CTNNA3: variants seen among roughly 807,000 people sequenced by gnomAD.
The protein encoded by CTNNA3 is catenin alpha-3.
In CTNNA3, 76 loss-of-function variants were observed where a neutral mutation model predicts 95.7. That is an observed-to-expected ratio of 0.79 (90% CI 0.66 to 0.96). The LOEUF (loss-of-function observed/expected upper bound fraction) is 0.96. CTNNA3 is among the 40% of genes least tolerant of loss of function. CTNNA3 has a pLI of 0.00. For missense variants in CTNNA3, 1,191 were observed against 1,089.8 expected (o/e 1.09, Z -1.31); for synonymous variants, 431 against 374.4 (o/e 1.15, Z -1.74).
At chr10:66,761,833 A>G (rs1466711288) in intron 9 of CTNNA3, among the ~76,000 whole-genome samples, 1 of 152,138 alleles carries the variant, frequency 6.6e-6, no homozygotes, top group African/African-American at 2.4e-5. Flanking sequence ...GCTTTTGATA[A>G]TTAATGGTAA....
intron 5 of CTNNA3, among the ~76,000 whole-genome samples, chr10:67,371,090 T>C (rs1843427135): frequency 6.6e-6 from 1 of 151,534 alleles, no homozygotes; most frequent in Admixed American, 6.6e-5. Flanking sequence ...ATGGTCTCGA[T>C]CTCCTGACCT....
chr10:67,153,940 T>C (rs1469067481), intron 7 of CTNNA3, among the ~76,000 whole-genome samples: 3 of 152,156 alleles, frequency 2.0e-5, no homozygotes, highest in African/African-American at 4.8e-5. Context: ...AAGTAGATTA[T>C]ATTTGCCAAC....
intron 11 of CTNNA3, among the ~76,000 whole-genome samples, chr10:66,400,515 T>TA (rs2093012163): frequency 6.6e-6 from 1 of 152,074 alleles, no homozygotes; most frequent in African/African-American, 2.4e-5. Flanking sequence ...GAAAGAGTGA[T>TA]ATATATAGAT....
chr10:66,980,994 C>T (rs1419037671), intron 7 of CTNNA3, among the ~76,000 whole-genome samples: 3 of 152,166 alleles, frequency 2.0e-5, no homozygotes. Flanking sequence ...CCAACCTCCA[C>T]CTCCCGGGTT....
intron 16 of CTNNA3, among the ~76,000 whole-genome samples, chr10:65,968,407 A>G (rs924920281): frequency 7.9e-5 from 12 of 152,070 alleles, no homozygotes; most frequent in African/African-American, 2.7e-4. Flanking sequence ...AAAAAATAAA[A>G]TAATAAAACC....
intron 10 of CTNNA3, among the ~76,000 whole-genome samples, chr10:66,587,100 C>A (rs955227891): frequency 6.6e-6 from 1 of 152,112 alleles, no homozygotes; most frequent in African/African-American, 2.4e-5. Context: ...GTGACACAGA[C>A]TCTGAGATTT....
chr10:65,920,313 T>C lies in CTNNA3; in HGVS notation c.*17A>G. 1.2e-6 allele frequency: 2 copies of C among 1,604,606 alleles called. No individual in the cohort carries two copies. The highest frequency in any genetic ancestry group is 1.7e-6 in the Non-Finnish European group (2 of 1,173,908). ...GCAGGATTTTGTCATATAGGCACTATATGTAGAATAGTGGTTTCAGTAGAT... is the reference window on the plus strand; with the variant it reads ...GCAGGATTTTGTCATATAGGCACTACATGTAGAATAGTGGTTTCAGTAGAT... On this transcript the variant is annotated 3_prime_UTR_variant, in exon 18 of 18. Coordinates refer to ENST00000433211, the MANE Select transcript of CTNNA3 (RefSeq NM_013266.4).
chr10:66,975,975 C>T (rs1186532552), intron 7 of CTNNA3, among the ~76,000 whole-genome samples: 1 of 152,120 alleles, frequency 6.6e-6, no homozygotes, highest in Non-Finnish European at 1.5e-5. Flanking sequence ...CATGCTACTG[C>T]AGTTAAAAAC....
intron 2 of CTNNA3, among the ~76,000 whole-genome samples, chr10:67,623,021 A>G (rs755591937): frequency 2.0e-5 from 3 of 152,208 alleles, no homozygotes; most frequent in Non-Finnish European, 4.4e-5. Flanking sequence ...CGTGCCCTAC[A>G]AGAACACTCT....
intron 5 of CTNNA3, among the ~76,000 whole-genome samples, chr10:67,258,548 T>C (rs1437526726): frequency 6.6e-6 from 1 of 152,226 alleles, no homozygotes; most frequent in Non-Finnish European, 1.5e-5. Context: ...CATGGCACTT[T>C]GTTTAGCCGA....
chr10:66,747,202 G>T (rs902726977), intron 9 of CTNNA3, among the ~76,000 whole-genome samples: 5 of 152,046 alleles, frequency 3.3e-5, no homozygotes, highest in African/African-American at 1.2e-4. Flanking sequence ...ATATTGTCTC[G>T]GGCCTTAATG....
rs995093660 is a variant in CTNNA3, at chr10:66,639,516, A to G, written c.1282-17732T>C. Among the ~76,000 whole-genome samples the G allele has an allele frequency of 7.2e-5, 11 of 152,290 alleles. No individual in the cohort carries two copies. The East Asian group carries it at 7.7e-4, about 11-fold the overall frequency. ...TTATCTTATATTTTACTCATCTTCC[A>G]TGAAGATGACTAACCCAAAGGGATT... On this transcript the variant is annotated intron_variant, in intron 9 of 17. Coordinates refer to ENST00000433211, the MANE Select transcript of CTNNA3 (RefSeq NM_013266.4).
chr10:66,785,842 C>A (rs1482655808), intron 7 of CTNNA3, among the ~76,000 whole-genome samples: 2 of 152,046 alleles, frequency 1.3e-5, no homozygotes, highest in Non-Finnish European at 2.9e-5. Context: ...TTCCATTTGC[C>A]CCTTTGGATC....
chr10:67,592,932 T>C (rs543051705), intron 3 of CTNNA3, among the ~76,000 whole-genome samples: 1 of 152,324 alleles, frequency 6.6e-6, no homozygotes, highest in African/African-American at 2.4e-5. Context: ...GTAAGCACAG[T>C]ACCTGGTAAG....
chr10:66,268,557 A>G (rs1205004666), intron 13 of CTNNA3, among the ~76,000 whole-genome samples: 1 of 152,202 alleles, frequency 6.6e-6, no homozygotes, highest in Non-Finnish European at 1.5e-5. Context: ...CCTGACCCAT[A>G]GAATGTGAGA....
intron 3 of CTNNA3, among the ~76,000 whole-genome samples, chr10:67,593,370 T>C (rs759833517): frequency 1.6e-4 from 25 of 152,320 alleles, no homozygotes; most frequent in Non-Finnish European, 2.6e-4. Context: ...TTTAACAATA[T>C]TGATTCTTCT....
intron 5 of CTNNA3, among the ~76,000 whole-genome samples, chr10:67,519,469 C>T (rs1839918076): frequency 6.6e-6 from 1 of 152,126 alleles, no homozygotes; most frequent in Admixed American, 6.5e-5. Flanking sequence ...TCCAGGAAAC[C>T]AAAGGCTTAT....
At chr10:66,457,951 G>C (rs1241759574) in intron 11 of CTNNA3, among the ~76,000 whole-genome samples, 1 of 152,084 alleles carries the variant, frequency 6.6e-6, no homozygotes, top group African/African-American at 2.4e-5. Flanking sequence ...ATAGGTAGAG[G>C]GGGTAGGCTC....
chr10:67,372,578 C>T (rs1204041204), intron 5 of CTNNA3, among the ~76,000 whole-genome samples: 4 of 152,112 alleles, frequency 2.6e-5, no homozygotes, highest in African/African-American at 4.8e-5. Context: ...GAGAACTTCC[C>T]CAACCTAGCA....
Sources: allele counts gnomAD v4.1 joint callset (sites outside exome capture counted in the v4.1 genomes callset), GRCh38; gene constraint gnomAD v4.1.1; transcripts MANE v1.5; gene names NCBI Gene and HGNC (gene_info 2026-07-23, HGNC 2026-07-21).